Variants in ZSCAN29 observed in about 807,000 individuals in gnomAD.
ZSCAN29 encodes zinc finger and SCAN domain-containing protein 29.
A neutral mutation model predicts 71.9 loss-of-function variants in ZSCAN29; 55 were observed. The observed-to-expected ratio is 0.76, with a 90% confidence interval of 0.62 to 0.96. The LOEUF (loss-of-function observed/expected upper bound fraction) is 0.96. Among genes scored for constraint, ZSCAN29 ranks in the 40% least tolerant of loss-of-function variants. The pLI, the probability that ZSCAN29 is intolerant of heterozygous loss-of-function variation, is 0.00. For synonymous variants in ZSCAN29, 351 were observed against 371.6 expected (o/e 0.94, Z 0.64); for missense variants, 1,042 against 1,042.2 (o/e 1.00, Z 0.00).
chr15:43,360,803 A>G lies in ZSCAN29; in HGVS notation c.*270T>C. ...TTACCTTGTCCTCTGTGCTTATATT[A>G]AGGGAACACCATAGGCACTGAGAGG... On this transcript the variant is annotated 3_prime_UTR_variant, in exon 6 of 6. Coordinates refer to ENST00000684362, the MANE Select transcript of ZSCAN29 (RefSeq NM_001372080.1). The G allele has an allele frequency of 2.4e-6, 1 of 409,128 alleles. No individual in the cohort carries two copies. The highest frequency in any genetic ancestry group is 4.4e-6 in the Non-Finnish European group (1 of 226,868). 25.3% of individuals were successfully genotyped at this position (409,128 alleles called of 1,614,324 possible). A position where few individuals can be genotyped will look rare whatever the true frequency, so the allele number is the denominator to read the frequency against.
At position 43,369,012 on chromosome 15, in the gene ZSCAN29, A is replaced by G. The variant is rs1566884803; in HGVS notation, c.434T>C (p.Val145Ala). Residue 145 changes from valine (V) to alanine (A), a missense_variant, in exon 3 of 6, where the codon GTA becomes GCA. Coordinates refer to ENST00000684362, the MANE Select transcript of ZSCAN29 (RefSeq NM_001372080.1). Reference protein sequence around the residue: ...QESVEPQPRGVPKKERARSPD... With the variant: ...QESVEPQPRGAPKKERARSPD... ...GCTTCTTGCCCTCTCTTTCTTGGGT[A>G]CACCCCTGGGCTGGGGTTCCACTGA... 2 of 1,612,950 alleles carry G rather than the reference A, an allele frequency of 1.2e-6. No homozygotes were observed. Among genetic ancestry groups the G allele is most frequent in the Admixed American group, 1.7e-5 (1 of 59,848 alleles).
chr15:43,364,069 G>A lies in ZSCAN29; in HGVS notation c.1536C>T (p.Cys512=), dbSNP rs935058745. 6.2e-7 allele frequency: 1 copy of A among 1,614,102 alleles called. No individual in the cohort carries two copies. Among genetic ancestry groups the A allele is most frequent in the Admixed American group, 1.7e-5 (1 of 60,008 alleles). ...PNDGQEETAS[C]PVQGTSEAEA... ...CAGCCTCACTGGTCCCCTGGACGGG[G>A]CAAGAAGCAGTCTCTTCCTGGCCAT... The change falls in exon 5 of 6, where the codon TGC becomes TGT. Residue 512 remains cysteine (C), a synonymous_variant. Coordinates refer to ENST00000684362, the MANE Select transcript of ZSCAN29 (RefSeq NM_001372080.1).
Position 43,361,523 on chromosome 15 carries a change from C to T in ZSCAN29, c.2109G>A (p.Glu703=), listed in dbSNP as rs1464468996. Residue 703 remains glutamate (E), a synonymous_variant, in exon 6 of 6, where the codon GAG becomes GAA. Transcript: ENST00000684362. The stretch of plus-strand genomic sequence containing the variant: ...CACAGTCAAGACATTTATAAGGTTT[C>T]TCTCCAGTGTGGATTCTCCGGTGTC... ...LIRHRRIHTG[E]KPYKCLDCGK... is the part of the protein sequence containing the mutation. 1.2e-6 allele frequency: 2 copies of T among 1,614,074 alleles called. No individual in the cohort carries two copies. The highest frequency in any genetic ancestry group is 1.1e-5 in the South Asian group (1 of 91,088).
Position 43,369,018 on chromosome 15 carries a change from C to T in ZSCAN29, c.428G>A (p.Arg143Lys). The part of the protein sequence containing the change: ...VRQESVEPQP[R>K]GVPKKERARS... ...TGCCCTCTCTTTCTTGGGTACACCC[C>T]TGGGCTGGGGTTCCACTGACTCCTG... The change falls in exon 3 of 6, where the codon AGG becomes AAG. Residue 143 changes from arginine to lysine, a missense_variant. Arg to Lys is a conservative substitution (Grantham distance 26). Transcript: ENST00000684362. 3 of 1,612,996 alleles carry T rather than the reference C, an allele frequency of 1.9e-6. No homozygotes were observed. Among genetic ancestry groups the T allele is most frequent in the Non-Finnish European group, 2.5e-6 (3 of 1,179,570 alleles).
Position 43,370,976 on chromosome 15 carries a change from C to CCCCGGCCCCGGT in ZSCAN29, c.-532_-531insACCGGGGCCGGG. 1.5e-5 allele frequency: 1 copy of CCCCGGCCCCGGT among 67,916 alleles called. No homozygotes were observed. Among genetic ancestry groups the CCCCGGCCCCGGT allele is most frequent in the Non-Finnish European group, 2.2e-5 (1 of 45,186 alleles). 4.2% of individuals were successfully genotyped at this position (67,916 alleles called of 1,614,324 possible). A position where few individuals can be genotyped will look rare whatever the true frequency, so the allele number is the denominator to read the frequency against. On this transcript the variant is annotated 5_prime_UTR_variant, in exon 1 of 6. Coordinates refer to ENST00000684362, the MANE Select transcript of ZSCAN29 (RefSeq NM_001372080.1). ...TCACCCACTCGGGGTCCGACCCTGA[C>CCCCGGCCCCGGT]CCCGGCCCCGGCCCCGGCCCCGGCC...
Position 43,366,590 on chromosome 15 carries a change from A to G in ZSCAN29, c.742T>C (p.Trp248Arg). The change falls in exon 4 of 6, where the codon TGG becomes CGG. Residue 248 changes from tryptophan to arginine, a missense_variant. Coordinates refer to ENST00000684362, the MANE Select transcript of ZSCAN29 (RefSeq NM_001372080.1). ...AGCGTTCTGGTCTCTTCATAGCCCC[A>G]GTGCACACCTGCCACCTTCTCATCT... ...FEDEKVAGVH[W>R]GYEETRTLLA... is the part of the protein sequence containing the mutation. 1 of 1,614,220 alleles carries G rather than the reference A, an allele frequency of 6.2e-7. No homozygotes were observed. The highest frequency in any genetic ancestry group is 8.5e-7 in the Non-Finnish European group (1 of 1,180,036).
At position 43,366,725 on chromosome 15, in the gene ZSCAN29, T is replaced by C. The variant is rs531848637; in HGVS notation, c.607A>G (p.Lys203Glu). ...WIPDLLGSKE[K>E]ELPSGSHIGD... ...ATGTGGCTGCCACTTGGAAGTTCTT[T>C]CTCCTTAGAGCCCAGCAGATCTGGG... The change falls in exon 4 of 6, where the codon AAA (lysine) becomes GAA (glutamate). Residue 203 changes from lysine (K) to glutamate (E), a missense_variant. Lys to Glu is a moderately conservative substitution (Grantham distance 56). Coordinates refer to ENST00000684362, the MANE Select transcript of ZSCAN29 (RefSeq NM_001372080.1). The C allele has an allele frequency of 2.4e-5, 39 of 1,614,086 alleles. 1 individual carries two copies. The South Asian group carries it at 4.2e-4, about 17-fold the overall frequency.
rs777837567 is a variant in ZSCAN29, at chr15:43,360,974, A to T, written c.*99T>A. On this transcript the variant is annotated 3_prime_UTR_variant, in exon 6 of 6. Transcript: ENST00000684362. ...GCATAAATCCTAAAGTGAATTTCCT[A>T]AGCTAACTGGACACAGAATAGTAGA... is the stretch of plus-strand genomic sequence containing the variant. 2 of 1,447,438 alleles carry T rather than the reference A, an allele frequency of 1.4e-6. No individual in the cohort carries two copies. Among genetic ancestry groups the T allele is most frequent in the Non-Finnish European group, 1.9e-6 (2 of 1,080,694 alleles). The allele number at this position is 1,447,438 out of a possible 1,614,324, so 89.7% of individuals were successfully genotyped here.
Position 43,368,997 on chromosome 15 carries a change from C to T in ZSCAN29, c.449G>A (p.Arg150Lys). ...TGGTCCCAGGTCTGGGCTTCTTGCC[C>T]TCTCTTTCTTGGGTACACCCCTGGG... is the stretch of plus-strand genomic sequence containing the variant. ...PQPRGVPKKE[R>K]ARSPDLGPQE... is the part of the protein sequence containing the mutation. Residue 150 changes from arginine (R) to lysine (K), a missense_variant, in exon 3 of 6, where the codon AGG becomes AAG. Physicochemically the swap from Arg to Lys is conservative, Grantham distance 26. Transcript: ENST00000684362. The T allele has an allele frequency of 1.2e-6, 2 of 1,613,028 alleles. No individual in the cohort carries two copies. The highest frequency in any genetic ancestry group is 1.7e-5 in the Admixed American group (1 of 59,828).
At chr15:43,366,969 C>T (rs1037473023) in intron 3 of ZSCAN29, among the ~76,000 whole-genome samples, 161 bp from the exon 4 acceptor site, 1 of 152,180 alleles carries the variant, frequency 6.6e-6, no homozygotes, top group Non-Finnish European at 1.5e-5. Flanking sequence ...GGGGAAAATA[C>T]AGGAAACCTC....
rs775941816 is a variant in ZSCAN29 at position 43,370,973 on chromosome 15, T to TGGCCCC, written c.-529_-528insGGGGCC. On this transcript the variant is annotated 5_prime_UTR_variant, in exon 1 of 6. Transcript: ENST00000684362. The stretch of plus-strand genomic sequence containing the variant: ...GCCTCACCCACTCGGGGTCCGACCC[T>TGGCCCC]GACCCCGGCCCCGGCCCCGGCCCCG... 2 of 112,992 alleles carry TGGCCCC rather than the reference T, an allele frequency of 1.8e-5. No individual in the cohort carries two copies. Among genetic ancestry groups the TGGCCCC allele is most frequent in the Admixed American group, 1.4e-4 (1 of 7,230 alleles). The allele number at this position is 112,992 out of a possible 1,614,324, so 7.0% of individuals were successfully genotyped here.
rs781072204 is a variant in ZSCAN29 at position 43,360,773 on chromosome 15, A to C, written c.*300T>G. The C allele has an allele frequency of 1.3e-5, 4 of 305,070 alleles. No homozygotes were observed. Among genetic ancestry groups the C allele is most frequent in the African/African-American group, 2.1e-5 (1 of 47,608 alleles). 18.9% of individuals were successfully genotyped at this position (305,070 alleles called of 1,614,324 possible). On this transcript the variant is annotated 3_prime_UTR_variant, in exon 6 of 6. Transcript: ENST00000684362. The stretch of plus-strand genomic sequence containing the variant: ...GAAGGATGCTTATCAAATTCATAGG[A>C]TCTATTACCTTGTCCTCTGTGCTTA...
In ZSCAN29 at chr15:43,368,361, T is replaced by G. The variant is rs1352870910; in HGVS notation, c.523+562A>C. ...TAAAACGGTGAAACCCCGTCTCTAC[T>G]AAAAATACAAAAAAATTAGCCGGGC... is the stretch of plus-strand genomic sequence containing the variant. On this transcript the variant is annotated intron_variant, in intron 3 of 5. Transcript: ENST00000684362. 6.3e-5 allele frequency among the ~76,000 whole-genome samples: 6 copies of G among 95,026 alleles called. 1 individual carries two copies. Among genetic ancestry groups the G allele is most frequent in the African/African-American group, 2.8e-4 (2 of 7,222 alleles). The allele number at this position is 95,026 out of a possible 152,430, so 62.3% of individuals were successfully genotyped here.
Position 43,361,764 on chromosome 15 carries a change from T to TC in ZSCAN29, c.1867dup (p.Glu623GlyfsTer15). ...CGGGAGTGTCAGTTTTCCTCTTTTC[T>TC]CCCCTGAGGTCTTTGCCCACTGTCT... On this transcript the variant is annotated frameshift_variant, in exon 6 of 6. Transcript: ENST00000684362. LOFTEE classifies it high-confidence loss of function. The TC allele has an allele frequency of 6.2e-7, 1 of 1,614,212 alleles. No homozygotes were observed. Among genetic ancestry groups the TC allele is most frequent in the East Asian group, 2.2e-5 (1 of 44,886 alleles).
At chr15:43,362,994 CT>C (rs10708474) in intron 5 of ZSCAN29, among the ~76,000 whole-genome samples, 41,060 of 145,906 alleles carry the variant, frequency 0.28, 9,132 homozygotes, top group African/African-American at 0.62. Context: ...GGTTAAGTAA[CT>C]TTTTTTTTTT....
chr15:43,363,619 G>C, intron 5 of ZSCAN29: 3 of 314,080 alleles, frequency 9.6e-6, no homozygotes, highest in Non-Finnish European at 1.8e-5. Context: ...TGAGAAATGT[G>C]AGCTTTCAGA....
chr15:43,361,638 A>C lies in ZSCAN29; in HGVS notation c.1994T>G (p.Leu665Arg). The C allele has an allele frequency of 1.2e-6, 2 of 1,614,198 alleles. No individual in the cohort carries two copies. The highest frequency in any genetic ancestry group is 1.7e-6 in the Non-Finnish European group (2 of 1,180,028). ...CTGGTGGGATACCTGATGCATGAGA[A>C]GGGAGTTTGGACCAAAGCTTTTGCT... Reference protein sequence around the residue: ...KYSKSFGPNSLLMHQVSHQVE... With the variant: ...KYSKSFGPNSRLMHQVSHQVE... The change falls in exon 6 of 6, where the codon CTT becomes CGT. Residue 665 changes from leucine (L) to arginine (R), a missense_variant. Leu to Arg is a moderately radical substitution (Grantham distance 102). Coordinates refer to ENST00000684362, the MANE Select transcript of ZSCAN29 (RefSeq NM_001372080.1).
chr15:43,363,848 T>A (rs1397330668), intron 5 of ZSCAN29, 67 bp downstream of exon 5: 1 of 1,450,450 alleles, frequency 6.9e-7, no homozygotes, highest in Non-Finnish European at 9.3e-7. Context: ...CTCAATCAGA[T>A]GATATTTTTC....
Position 43,361,443 on chromosome 15 carries a change from C to A in ZSCAN29, c.2189G>T (p.Gly730Val). 6.2e-7 allele frequency: 1 copy of A among 1,613,806 alleles called. No homozygotes were observed. ...CTCACCACATTGATAAGGTTTCTCT[C>A]CTGTGTGGATTCTCCTATGGGTGAT... ...NFITHRRIHT[G>V]EKPYQCGECG... Residue 730 changes from glycine to valine, a missense_variant, in exon 6 of 6, where the codon GGA becomes GTA. Gly to Val is a moderately radical substitution (Grantham distance 109, BLOSUM62 -3). Transcript: ENST00000684362.
Sources: gnomAD v4.1 joint callset for allele counts (sites outside exome capture counted in the v4.1 genomes callset) on GRCh38, gnomAD v4.1.1 for gene constraint, MANE v1.5 for transcripts, NCBI Gene and HGNC (gene_info 2026-07-23, HGNC 2026-07-21) for gene names.